DHRS7B: variants seen among roughly 807,000 people sequenced by gnomAD.
DHRS7B encodes the protein dehydrogenase/reductase 7B.
Under a neutral mutation model 26.4 loss-of-function variants are expected in DHRS7B, and 24 were observed. The ratio of observed to expected loss-of-function variants is 0.91; its 90% CI spans 0.66 to 1.28. The LOEUF is 1.28. DHRS7B is among the 50% of genes most tolerant of loss of function. The pLI, the probability that DHRS7B is intolerant of heterozygous loss-of-function variation, is 0.00. For missense variants in DHRS7B, 368 were observed against 419.4 expected (o/e 0.88, Z 1.07); for synonymous variants, 142 against 166.4 (o/e 0.85, Z 1.13).
At chr17:21,168,232 A>G (rs1015877361) in intron 1 of DHRS7B, among the ~76,000 whole-genome samples, 5 of 152,240 alleles carry the variant, frequency 3.3e-5, no homozygotes, top group African/African-American at 1.2e-4. Context: ...AGTCGGGATT[A>G]TCAATATGAA....
At chr17:21,172,483 G>T in intron 2 of DHRS7B, 1 of 536,896 alleles carries the variant, frequency 1.9e-6, no homozygotes, top group Non-Finnish European at 3.4e-6. Flanking sequence ...CCCTCACAGG[G>T]CAGCCCTGCT....
chr17:21,161,523 G>A (rs1973999583), intron 1 of DHRS7B, among the ~76,000 whole-genome samples: 1 of 152,106 alleles, frequency 6.6e-6, no homozygotes, highest in African/African-American at 2.4e-5. Flanking sequence ...TTGTAGATTT[G>A]TCCTTCAAGA....
chr17:21,151,280 G>A (rs1485346294), intron 1 of DHRS7B, among the ~76,000 whole-genome samples: 2 of 152,046 alleles, frequency 1.3e-5, no homozygotes, highest in Non-Finnish European at 2.9e-5. Flanking sequence ...GCCTAGGCAG[G>A]TGGATCATGA....
At position 21,172,092 on chromosome 17, in the gene DHRS7B, T is replaced by C; in HGVS notation, c.95T>C (p.Leu32Pro). Residue 32 changes from leucine to proline, a missense_variant, in exon 2 of 7, where the codon CTG (leucine) becomes CCG (proline). Transcript: ENST00000395511. ...TAILPLLFGC[L>P]GVFGLFRLLQ... ...ATCCTGCCCCTGCTGTTCGGCTGCC[T>C]GGGCGTCTTCGGCCTCTTCCGGCTG... is the stretch of plus-strand genomic sequence containing the variant. The C allele has an allele frequency of 6.2e-7, 1 of 1,614,194 alleles. No individual in the cohort carries two copies. Among genetic ancestry groups the C allele is most frequent in the Non-Finnish European group, 8.5e-7 (1 of 1,180,030 alleles).
At position 21,138,981 on chromosome 17, in the gene DHRS7B, A is replaced by G. The variant is rs56169528; in HGVS notation, c.20+11990A>G. On this transcript the variant is annotated intron_variant, in intron 1 of 6. Coordinates refer to ENST00000395511, the MANE Select transcript of DHRS7B (RefSeq NM_015510.5). Reference sequence around the variant, plus strand: ...ACTATGATAGTCATAATTTAAAGTTATGAAACCACCATTGCAAAATTGTAA... The same window carrying G: ...ACTATGATAGTCATAATTTAAAGTTGTGAAACCACCATTGCAAAATTGTAA... Among the ~76,000 whole-genome samples, 613 of 152,346 alleles carry G rather than the reference A, an allele frequency of 4.0e-3. 6 individuals are homozygous for G. Among genetic ancestry groups the G allele is most frequent in the African/African-American group, 0.014 (596 of 41,582 alleles).
intron 1 of DHRS7B, among the ~76,000 whole-genome samples, chr17:21,148,770 C>T (rs1281660212): frequency 6.6e-6 from 1 of 151,732 alleles, no homozygotes; most frequent in Non-Finnish European, 1.5e-5. Flanking sequence ...CCAGAAAATA[C>T]ACAGAGGTAA....
intron 2 of DHRS7B, among the ~76,000 whole-genome samples, chr17:21,177,001 C>T (rs1038798552): frequency 2.6e-5 from 4 of 152,058 alleles, no homozygotes; most frequent in Non-Finnish European, 4.4e-5. Context: ...CCCATCACTC[C>T]GTTTCCTTTC....
chr17:21,174,164 C>T (rs1373619837), intron 2 of DHRS7B, among the ~76,000 whole-genome samples: 1 of 152,232 alleles, frequency 6.6e-6, no homozygotes, highest in Non-Finnish European at 1.5e-5. Flanking sequence ...TCTGATGTTG[C>T]CTTGCTTCTG....
intron 1 of DHRS7B, among the ~76,000 whole-genome samples, chr17:21,146,398 C>T (rs1300152541): frequency 1.3e-5 from 2 of 152,168 alleles, no homozygotes; most frequent in Non-Finnish European, 2.9e-5. Context: ...GAGACCTTGT[C>T]TCAGAAAACA....
chr17:21,154,919 G>A (rs77073392), intron 1 of DHRS7B, among the ~76,000 whole-genome samples: 2,971 of 152,110 alleles, frequency 0.02, 114 homozygotes, highest in African/African-American at 0.068. Context: ...TGGATTCATT[G>A]GAAATGTATA....
chr17:21,165,367 G>A (rs895047061), intron 1 of DHRS7B, among the ~76,000 whole-genome samples: 1 of 151,670 alleles, frequency 6.6e-6, no homozygotes, highest in African/African-American at 2.4e-5. Context: ...TTTGGGACAG[G>A]GTCTCACTCT....
chr17:21,176,266 G>C (rs985769247), intron 2 of DHRS7B, among the ~76,000 whole-genome samples: 4 of 152,078 alleles, frequency 2.6e-5, no homozygotes, highest in Admixed American at 2.6e-4. Flanking sequence ...GAGATTACAG[G>C]CATGAGCCAC....
chr17:21,135,857 G>A (rs574008288), intron 1 of DHRS7B, among the ~76,000 whole-genome samples: 6 of 152,060 alleles, frequency 3.9e-5, no homozygotes, highest in Non-Finnish European at 7.4e-5. Flanking sequence ...ACAATCTTAC[G>A]TGCCCACCTC....
intron 1 of DHRS7B, among the ~76,000 whole-genome samples, chr17:21,148,378 C>A (rs536957464): frequency 4.6e-5 from 7 of 152,064 alleles, no homozygotes; most frequent in African/African-American, 1.7e-4. Context: ...ATTTGCTAAA[C>A]TGAAAAATTC....
At chr17:21,152,025 T>A (rs1346736012) in intron 1 of DHRS7B, among the ~76,000 whole-genome samples, 1 of 152,214 alleles carries the variant, frequency 6.6e-6, no homozygotes, top group Non-Finnish European at 1.5e-5. Context: ...CCATCCACCA[T>A]GATTGTAAGC....
rs371268234 is a variant in DHRS7B at position 21,145,185 on chromosome 17, A to T, written c.20+18194A>T. On this transcript the variant is annotated intron_variant, in intron 1 of 6. Transcript: ENST00000395511. ...TAAAAATACAAAAAATTAGCCAGGCATGGTGGCGGGTGCCTGTAGTCCCAG... is the reference window on the plus strand; with the variant it reads ...TAAAAATACAAAAAATTAGCCAGGCTTGGTGGCGGGTGCCTGTAGTCCCAG... Among the ~76,000 whole-genome samples the T allele has an allele frequency of 3.5e-4, 54 of 152,206 alleles. No individual in the cohort carries two copies. The East Asian group carries it at 8.0e-3, about 22-fold the overall frequency.
chr17:21,166,319 C>T (rs867928956), intron 1 of DHRS7B: 1 of 985,450 alleles, frequency 1.0e-6, no homozygotes, highest in Middle Eastern at 5.2e-4. Flanking sequence ...AGGCTGGCTT[C>T]TGAAAATACA....
chr17:21,133,579 A>C (rs1973284469), intron 1 of DHRS7B, among the ~76,000 whole-genome samples: 1 of 152,262 alleles, frequency 6.6e-6, no homozygotes. Context: ...TGCCCTGAAC[A>C]GTTCCCAGCT....
intron 1 of DHRS7B, among the ~76,000 whole-genome samples, chr17:21,159,056 C>T (rs778197383): frequency 2.6e-5 from 4 of 151,408 alleles, no homozygotes; most frequent in African/African-American, 4.9e-5. Flanking sequence ...AACCATGAAA[C>T]TGCTAGAAGA....
Sources: gnomAD v4.1 joint callset for allele counts (sites outside exome capture counted in the v4.1 genomes callset) on GRCh38, gnomAD v4.1.1 for gene constraint, MANE v1.5 for transcripts, NCBI Gene and HGNC (gene_info 2026-07-23, HGNC 2026-07-21) for gene names.